NOX4: variants seen among roughly 807,000 people sequenced by gnomAD.
The protein encoded by NOX4 is NADPH oxidase 4, also known as kidney oxidase-1.
A neutral mutation model predicts 87.6 loss-of-function variants in NOX4; 69 were observed. That is an observed-to-expected ratio of 0.79 (90% confidence interval 0.65 to 0.96). The LOEUF (loss-of-function observed/expected upper bound fraction) is 0.96, where lower values mean the gene tolerates loss of function less well. NOX4 is among the 40% of genes least tolerant of loss of function. The probability of loss-of-function intolerance (pLI) is 0.00; values close to 1 mark genes in which losing one functional copy is unlikely to be tolerated. For synonymous variants in NOX4, 275 were observed against 238.2 expected (o/e 1.15, Z -1.42); for missense variants, 680 against 681.5 (o/e 1.00, Z 0.02).
At chr11:89,471,181 G>C (rs16913335) in intron 2 of NOX4, among the ~76,000 whole-genome samples, 3,590 of 152,088 alleles carry the variant, frequency 0.024, 154 homozygotes, top group African/African-American at 0.081. Context: ...CTCTCCTAGA[G>C]CACTTAATTC....
In NOX4 at chr11:89,491,213, C is replaced by A. The variant is rs1379675573; in HGVS notation, c.34G>T (p.Glu12Ter). ...ACCAGGCAGAGGTGTTTAACCCCTT[C>A]GTTGGCGAGCCAGCTCCTCCAGGAC... ...AVSWRSWLAN[E>*]GVKHLCLFIW... Residue 12 changes from glutamate to a stop codon, truncating the protein, a stop_gained, in exon 1 of 18, where the codon GAA becomes TAA. Transcript: ENST00000263317. LOFTEE classifies it high-confidence loss of function. 1 of 1,613,758 alleles carries A rather than the reference C, an allele frequency of 6.2e-7. No homozygotes were observed. The highest frequency in any genetic ancestry group is 1.1e-5 in the South Asian group (1 of 91,046).
the NOX4 span, among the ~76,000 whole-genome samples, chr11:89,531,836 C>A: frequency 6.6e-6 from 1 of 152,232 alleles, no homozygotes; most frequent in East Asian, 1.9e-4. Flanking sequence ...CAGGGCCCTG[C>A]TGTTTTGTGC....
intron 2 of NOX4, among the ~76,000 whole-genome samples, chr11:89,479,765 T>C (rs1591356682): frequency 6.6e-6 from 1 of 152,220 alleles, no homozygotes; most frequent in South Asian, 2.1e-4. Flanking sequence ...TTTAGTCTCA[T>C]TGTCAGAACT....
intron 6 of NOX4, among the ~76,000 whole-genome samples, chr11:89,438,841 ATATAT>A (rs1167655211): frequency 1.3e-4 from 5 of 38,022 alleles, no homozygotes; most frequent in African/African-American, 2.2e-4. Flanking sequence ...TATATATTAT[ATATAT>A]TATATAATAT....
the NOX4 span, among the ~76,000 whole-genome samples, chr11:89,523,150 A>C: frequency 6.6e-6 from 1 of 151,916 alleles, no homozygotes; most frequent in Non-Finnish European, 1.5e-5. Flanking sequence ...CAGCCTCCCG[A>C]TTAGCTGGGA....
intron 2 of NOX4, among the ~76,000 whole-genome samples, chr11:89,471,049 C>T (rs927621361): frequency 6.6e-6 from 1 of 152,106 alleles, no homozygotes; most frequent in Non-Finnish European, 1.5e-5. Flanking sequence ...TCTGTAAGGG[C>T]TTGCTAGGGC....
At chr11:89,540,650 T>A in the NOX4 span, among the ~76,000 whole-genome samples, 20 of 151,564 alleles carry the variant, frequency 1.3e-4, no homozygotes, top group African/African-American at 4.8e-4. Context: ...TAGCCGGGCA[T>A]GGTGGCGGGC....
chr11:89,563,955 T>C, the NOX4 span, among the ~76,000 whole-genome samples: 3 of 152,182 alleles, frequency 2.0e-5, no homozygotes, highest in Non-Finnish European at 4.4e-5. Context: ...CCTTTACATA[T>C]AATTTAAATT....
intron 11 of NOX4, among the ~76,000 whole-genome samples, chr11:89,379,482 G>A (rs10830265): frequency 0.093 from 14,150 of 152,088 alleles, 797 homozygotes; most frequent in South Asian, 0.18. Flanking sequence ...CAAAGACAAG[G>A]AGACGTGAAA....
chr11:89,510,443 G>C, the NOX4 span, among the ~76,000 whole-genome samples: 13 of 152,120 alleles, frequency 8.5e-5, no homozygotes, highest in Admixed American at 6.6e-4. Flanking sequence ...GAATATGATA[G>C]AGTGAGATTA....
intron 12 of NOX4, among the ~76,000 whole-genome samples, chr11:89,370,562 T>C (rs903143160): frequency 6.6e-6 from 1 of 152,036 alleles, no homozygotes; most frequent in African/African-American, 2.4e-5. Flanking sequence ...TCTCTGACCA[T>C]ATGTTTGAAA....
At chr11:89,427,463 T>C (rs1943495107) in intron 7 of NOX4, among the ~76,000 whole-genome samples, 1 of 152,014 alleles carries the variant, frequency 6.6e-6, no homozygotes, top group Non-Finnish European at 1.5e-5. Flanking sequence ...GCAAAGAAGC[T>C]AAAAACCTTG....
chr11:89,329,112 C>T (rs894983316), intron 17 of NOX4, among the ~76,000 whole-genome samples: 4 of 151,588 alleles, frequency 2.6e-5, no homozygotes, highest in Non-Finnish European at 4.4e-5. Context: ...AGATGACAGA[C>T]GTGGTCATTG....
intron 12 of NOX4, among the ~76,000 whole-genome samples, chr11:89,362,927 T>G (rs1938640951): frequency 6.6e-6 from 1 of 152,098 alleles, no homozygotes; most frequent in African/African-American, 2.4e-5. Context: ...CTAAAATAAG[T>G]AATTTCTCAG....
At chr11:89,493,020 A>G (rs1300147138), upstream of NOX4, among the ~76,000 whole-genome samples, 1 of 152,222 alleles carries the variant, frequency 6.6e-6, no homozygotes, top group Admixed American at 6.5e-5. Context: ...TGTCTTTGCT[A>G]CTTCATATAC....
the NOX4 span, among the ~76,000 whole-genome samples, chr11:89,513,455 A>C: frequency 2.6e-5 from 4 of 152,104 alleles, no homozygotes; most frequent in Admixed American, 2.6e-4. Context: ...AAAAATCTCT[A>C]GCTATAGAGA....
intron 3 of NOX4, among the ~76,000 whole-genome samples, chr11:89,450,831 T>C (rs1944925073): frequency 6.6e-6 from 1 of 151,230 alleles, no homozygotes; most frequent in African/African-American, 2.4e-5. Context: ...TGTCCAACAA[T>C]GATAGACTGG....
chr11:89,468,646 A>G (rs1408267111), intron 2 of NOX4, among the ~76,000 whole-genome samples: 3 of 152,252 alleles, frequency 2.0e-5, no homozygotes, highest in Non-Finnish European at 4.4e-5. Flanking sequence ...GAGAAGGTAC[A>G]TAAATGCAAG....
At chr11:89,511,235 A>AT in the NOX4 span, among the ~76,000 whole-genome samples, 2 of 151,708 alleles carry the variant, frequency 1.3e-5, no homozygotes, top group South Asian at 2.1e-4. Context: ...TGAACTCATC[A>AT]TTTTTTTTGG....
Sources: gnomAD v4.1 joint callset for allele counts (sites outside exome capture counted in the v4.1 genomes callset) on GRCh38, gnomAD v4.1.1 for gene constraint, MANE v1.5 for transcripts, NCBI Gene and HGNC (gene_info 2026-07-23, HGNC 2026-07-21) for gene names.